Variants in ADAM19 observed in about 807,000 individuals in gnomAD.
The protein encoded by ADAM19 is disintegrin and metalloproteinase domain-containing protein 19.
In ADAM19, 65 loss-of-function variants were observed where a neutral mutation model predicts 114.7. The observed-to-expected ratio is 0.57, with a 90% CI of 0.46 to 0.70. ADAM19 has a LOEUF of 0.70. ADAM19 is among the 30% of genes least tolerant of loss of function. ADAM19 has a pLI of 0.00. For missense variants in ADAM19, 1,063 were observed against 1,204.7 expected, an observed-to-expected ratio of 0.88 and a Z score of 1.74; for synonymous variants, 466 against 460.5, an observed-to-expected ratio of 1.01 and a Z score of -0.15.
chr5:157,505,166 G>T (rs1755702205), intron 11 of ADAM19, among the ~76,000 whole-genome samples: 1 of 150,842 alleles, frequency 6.6e-6, no homozygotes, highest in African/African-American at 2.4e-5. Flanking sequence ...GGGAGATGCA[G>T]CTGCCTCACC....
chr5:157,478,649 C>G lies in ADAM19; in HGVS notation c.*2300G>C. ...CCTGGGCAGCCTCCCTGAACAGAGC[C>G]AGGAGTGAAGCATTAGTAGAACTGG... On this transcript the variant is annotated 3_prime_UTR_variant, in exon 23 of 23. Coordinates refer to ENST00000257527, the MANE Select transcript of ADAM19 (RefSeq NM_033274.5). The G allele has an allele frequency of 2.0e-6, 2 of 985,854 alleles. No homozygotes were observed. The highest frequency in any genetic ancestry group is 2.4e-6 in the Non-Finnish European group (2 of 829,938). 61.1% of individuals were successfully genotyped at this position (985,854 alleles called of 1,614,324 possible).
At chr5:157,533,976 A>C (rs1756693913) in intron 4 of ADAM19, among the ~76,000 whole-genome samples, 1 of 152,058 alleles carries the variant, frequency 6.6e-6, no homozygotes, top group Non-Finnish European at 1.5e-5. Context: ...CCAAAAAAAG[A>C]AAAAAGAAAG....
chr5:157,497,141 C>T (rs752561245), intron 13 of ADAM19, 52 bp from the exon 14 acceptor site: 1 of 1,419,876 alleles, frequency 7.0e-7, no homozygotes, highest in African/African-American at 1.5e-5. Context: ...CCACCCTCAA[C>T]CCTGTTGCCC....
At chr5:157,561,054 T>C (rs1757496140) in intron 3 of ADAM19, among the ~76,000 whole-genome samples, 1 of 152,234 alleles carries the variant, frequency 6.6e-6, no homozygotes. Context: ...AGCCAGGATC[T>C]GAACACAGGA....
chr5:157,504,035 A>C (rs1233039425), intron 11 of ADAM19, among the ~76,000 whole-genome samples: 1 of 152,244 alleles, frequency 6.6e-6, no homozygotes, highest in East Asian at 1.9e-4. Flanking sequence ...TTCAGTGGGA[A>C]GGTATGCTCC....
At chr5:157,527,073 A>T (rs1052401884) in intron 5 of ADAM19, among the ~76,000 whole-genome samples, 4 of 152,174 alleles carry the variant, frequency 2.6e-5, no homozygotes, top group Non-Finnish European at 5.9e-5. Flanking sequence ...TAAAGGAAAG[A>T]GGTTTAATTG....
chr5:157,481,645 C>T (rs11134767), intron 22 of ADAM19, 146 bp downstream of exon 22: 88,716 of 1,551,380 alleles, frequency 0.057, 2,869 homozygotes, highest in Middle Eastern at 0.07. Context: ...CACCAAGAAA[C>T]ATGAATGTTT....
intron 21 of ADAM19, among the ~76,000 whole-genome samples, chr5:157,484,706 G>A (rs1054639158): frequency 1.3e-5 from 2 of 152,072 alleles, no homozygotes; most frequent in African/African-American, 2.4e-5. Flanking sequence ...AATACAACCC[G>A]CCCCCTTCAC....
intron 5 of ADAM19, among the ~76,000 whole-genome samples, chr5:157,525,217 C>G (rs555980330): frequency 6.6e-6 from 1 of 152,184 alleles, no homozygotes; most frequent in East Asian, 1.9e-4. Context: ...CTGTGCAATG[C>G]CTGACACGGA....
At position 157,489,181 on chromosome 5, in the gene ADAM19, G is replaced by A. The variant is rs1244987852; in HGVS notation, c.2246C>T (p.Pro749Leu). Residue 749 changes from proline to leucine, a missense_variant, in exon 20 of 23, where the codon CCC becomes CTC. This residue lies in a region of ADAM19 where 424 missense variants were observed against 445.5 expected (regional missense o/e 0.95). Transcript: ENST00000257527. ...PSKLRQQFSC[P>L]FRVSQNSGTG... ...CCCGCTGTTCTGAGAAACCCTGAAG[G>A]GACAACTAGAAACAAGAAATGGGGG... is the stretch of plus-strand genomic sequence containing the variant. 8 of 1,613,010 alleles carry A rather than the reference G, an allele frequency of 5.0e-6. No individual in the cohort carries two copies. In the Admixed American group the frequency reaches 5.0e-5, roughly 10 times the overall value.
At chr5:157,486,063 G>A (rs1378677279) in intron 21 of ADAM19, among the ~76,000 whole-genome samples, 2 of 152,212 alleles carry the variant, frequency 1.3e-5, no homozygotes, top group Non-Finnish European at 2.9e-5. Context: ...CACTTCTCCA[G>A]GGGGTCCATG....
At chr5:157,521,859 C>T (rs1294623996) in intron 5 of ADAM19, among the ~76,000 whole-genome samples, 2 of 152,196 alleles carry the variant, frequency 1.3e-5, no homozygotes, top group Non-Finnish European at 2.9e-5. Context: ...TTTCCCCTAA[C>T]GGCTACACAC....
intron 3 of ADAM19, among the ~76,000 whole-genome samples, chr5:157,550,536 G>GT (rs372082603): frequency 1.2e-4 from 18 of 152,284 alleles, no homozygotes; most frequent in East Asian, 7.7e-4. Context: ...CACTGCTGAT[G>GT]TTTTTTCCTT....
chr5:157,487,845 C>A (rs1561840681), intron 21 of ADAM19, among the ~76,000 whole-genome samples: 1 of 152,160 alleles, frequency 6.6e-6, no homozygotes, highest in Non-Finnish European at 1.5e-5. Context: ...ATTGAGGAAT[C>A]AGGATAGACT....
At chr5:157,499,756 C>T (rs980632521) in intron 12 of ADAM19, 94 bp from the exon 13 acceptor site, 12 of 742,088 alleles carry the variant, frequency 1.6e-5, no homozygotes, top group Non-Finnish European at 2.7e-5. Context: ...GGAACCCCAG[C>T]TCTCTAGCAA....
rs572756359 is a variant in ADAM19 at position 157,564,122 on chromosome 5, G to A, written c.251+251C>T. On this transcript the variant is annotated intron_variant, in intron 3 of 22. Coordinates refer to ENST00000257527, the MANE Select transcript of ADAM19 (RefSeq NM_033274.5). ...ATACACAGACCTCTGTGTGCCCGCA[G>A]TGAACTCCAGGGGCCCCTGAAATAC... 6.6e-5 allele frequency among the ~76,000 whole-genome samples: 10 copies of A among 152,306 alleles called. No individual in the cohort carries two copies. The East Asian group carries it at 1.7e-3, about 26-fold the overall frequency.
intron 3 of ADAM19, among the ~76,000 whole-genome samples, chr5:157,546,590 C>T (rs1014631110): frequency 6.6e-6 from 1 of 152,218 alleles, no homozygotes; most frequent in Non-Finnish European, 1.5e-5. Flanking sequence ...AGTCTCCCTC[C>T]AAAGGAGTCC....
intron 4 of ADAM19, among the ~76,000 whole-genome samples, chr5:157,536,292 G>A (rs138687865): frequency 0.01 from 1,565 of 152,248 alleles, 37 homozygotes; most frequent in African/African-American, 0.036. Flanking sequence ...TCAGAAGTTC[G>A]AGACCAGCTT....
chr5:157,563,018 T>C (rs1440316511), intron 3 of ADAM19, among the ~76,000 whole-genome samples: 24 of 152,032 alleles, frequency 1.6e-4, no homozygotes, highest in Admixed American at 1.6e-3. Flanking sequence ...GGAACAAAGC[T>C]GCCGTGAGCA....
Sources: gnomAD v4.1 joint callset for allele counts (sites outside exome capture counted in the v4.1 genomes callset) on GRCh38, gnomAD v4.1.1 for gene constraint, gnomAD v4.1.1 regional missense constraint, MANE v1.5 for transcripts, NCBI Gene and HGNC (gene_info 2026-07-23, HGNC 2026-07-21) for gene names.